ABCC8: variants seen among roughly 807,000 people sequenced by gnomAD.
The protein encoded by ABCC8 is ATP-binding cassette sub-family C member 8.
ABCC8 carries 137 observed loss-of-function variants against 188.0 expected under a neutral mutation model. The ratio of observed to expected loss-of-function variants is 0.73; its 90% CI spans 0.63 to 0.84. ABCC8 has a LOEUF of 0.84. Ranked by LOEUF, ABCC8 falls within the 40% of genes least tolerant of loss-of-function variation. The pLI, the probability that ABCC8 is intolerant of heterozygous loss-of-function variation, is 0.00. For missense variants in ABCC8, 1,750 were observed against 2,072.7 expected (o/e 0.84, Z 3.02); for synonymous variants, 797 against 846.5 (o/e 0.94, Z 1.01).
intron 12 of ABCC8, chr11:17,429,852 C>T (rs1289599521): frequency 6.6e-6 from 1 of 152,210 alleles, no homozygotes; most frequent in Non-Finnish European, 1.5e-5. Flanking sequence ...TCAGATACTC[C>T]TTAGAGCATA....
At chr11:17,406,844 C>A (rs1294938560) in intron 25 of ABCC8, 44 bp downstream of exon 25, 1 of 1,614,170 alleles carries the variant, frequency 6.2e-7, no homozygotes, top group South Asian at 1.1e-5. Context: ...TCAGCCCTTC[C>A]CCCATCCCCA....
At chr11:17,470,438 A>G (rs983881865) in intron 2 of ABCC8, among the ~76,000 whole-genome samples, 5 of 152,106 alleles carry the variant, frequency 3.3e-5, no homozygotes, top group African/African-American at 4.8e-5. Context: ...AGGCCTTACT[A>G]TGTGCTGAGC....
chr11:17,399,275 C>CAAAAAAAAAAAAAAA (rs57138230), intron 29 of ABCC8, among the ~76,000 whole-genome samples: 6 of 58,548 alleles, frequency 1.0e-4, no homozygotes, highest in Admixed American at 2.7e-4. Context: ...GACTCTGCCT[C>CAAAAAAAAAAAAAAA]AAAAAAAAAA....
chr11:17,432,924 C>A (rs558594624), intron 10 of ABCC8, among the ~76,000 whole-genome samples: 2 of 152,276 alleles, frequency 1.3e-5, no homozygotes, highest in Non-Finnish European at 2.9e-5. Flanking sequence ...GCTGTGTAAC[C>A]TAGGGCATGT....
chr11:17,442,594 C>G (rs1457413237), intron 10 of ABCC8, 126 bp downstream of exon 10: 17 of 951,152 alleles, frequency 1.8e-5, no homozygotes, highest in Non-Finnish European at 2.9e-5. Context: ...TGAGGCTCCC[C>G]TACTGAGTCG....
intron 26 of ABCC8, 198 bp downstream of exon 26, chr11:17,406,424 A>T: frequency 3.2e-6 from 2 of 615,636 alleles, no homozygotes; most frequent in Non-Finnish European, 5.7e-6. Context: ...CACAATGCCT[A>T]TCACAGTATC....
intron 29 of ABCC8, 99 bp downstream of exon 29, chr11:17,402,562 G>A: frequency 6.2e-7 from 1 of 1,609,336 alleles, no homozygotes; most frequent in Non-Finnish European, 8.5e-7. Context: ...ACGTGTCCTT[G>A]GCCTTCCCAA....
chr11:17,416,040 A>G (rs1955057712), intron 17 of ABCC8, among the ~76,000 whole-genome samples: 1 of 152,234 alleles, frequency 6.6e-6, no homozygotes, highest in Non-Finnish European at 1.5e-5. Context: ...CTCAAGAAAT[A>G]TGATCACTAC....
intron 1 of ABCC8, among the ~76,000 whole-genome samples, chr11:17,476,003 G>A (rs1270684745): frequency 1.3e-5 from 2 of 152,230 alleles, no homozygotes; most frequent in Admixed American, 1.3e-4. Context: ...ACTTTGCGCA[G>A]AGCCTGAGAA....
chr11:17,461,084 G>A (rs1177093419), intron 5 of ABCC8: 1 of 342,512 alleles, frequency 2.9e-6, no homozygotes, highest in South Asian at 2.6e-5. Flanking sequence ...TGCCTCTGCC[G>A]CCTGCCAGCT....
intron 12 of ABCC8, 140 bp from the exon 13 acceptor site, chr11:17,428,810 C>A: frequency 2.0e-6 from 3 of 1,473,680 alleles, no homozygotes; most frequent in South Asian, 1.3e-5. Context: ...AGGGGGCAGA[C>A]CAGTGGGCAT....
chr11:17,395,141 C>G lies in ABCC8; in HGVS notation c.4411+31G>C, dbSNP rs1477683866. 8 of 1,554,428 alleles carry G rather than the reference C, an allele frequency of 5.1e-6. No individual in the cohort carries two copies. The Admixed American group carries it at 1.4e-4, about 26-fold the overall frequency. On this transcript the variant is annotated intron_variant, in intron 36 of 38. Transcript: ENST00000389817. ...CCTTACAGGGTCCTTGAGTGCCCAA[C>G]CAACCCAGCTGCATAGCCAGGAGTA...
At chr11:17,416,427 CT>C (rs1170810557) in intron 17 of ABCC8, among the ~76,000 whole-genome samples, 1 of 152,240 alleles carries the variant, frequency 6.6e-6, no homozygotes, top group South Asian at 2.1e-4. Context: ...ATGATCACCC[CT>C]AGAGCCTTTT....
chr11:17,394,692 C>A (rs1473168116), intron 36 of ABCC8, among the ~76,000 whole-genome samples: 2 of 152,114 alleles, frequency 1.3e-5, no homozygotes, highest in Admixed American at 6.5e-5. Flanking sequence ...GTATGTAGGG[C>A]CTTGGTAGGG....
At chr11:17,473,620 C>G (rs1322789610) in intron 2 of ABCC8, among the ~76,000 whole-genome samples, 1 of 152,162 alleles carries the variant, frequency 6.6e-6, no homozygotes, top group African/African-American at 2.4e-5. Flanking sequence ...GTCTCTCATC[C>G]TTGCTGGTTA....
intron 29 of ABCC8, among the ~76,000 whole-genome samples, chr11:17,400,243 G>A (rs2074312): frequency 0.24 from 36,190 of 152,078 alleles, 5,241 homozygotes; most frequent in East Asian, 0.55. Flanking sequence ...GGGTGGAGAC[G>A]TGTGGGAGGG....
chr11:17,412,059 A>AT (rs1461277575), intron 21 of ABCC8, among the ~76,000 whole-genome samples: 1 of 151,498 alleles, frequency 6.6e-6, no homozygotes, highest in African/African-American at 2.4e-5. Context: ...CACCCAGCTA[A>AT]TTTTTTGTAT....
At chr11:17,446,188 A>T (rs1329865165) in intron 8 of ABCC8, among the ~76,000 whole-genome samples, 2 of 151,822 alleles carry the variant, frequency 1.3e-5, no homozygotes, top group Non-Finnish European at 2.9e-5. Flanking sequence ...CTGGTCTCGA[A>T]CTCCTGACCT....
intron 8 of ABCC8, among the ~76,000 whole-genome samples, chr11:17,445,481 T>A (rs1483989062): frequency 1.3e-5 from 2 of 152,224 alleles, no homozygotes; most frequent in Non-Finnish European, 2.9e-5. Flanking sequence ...TCAATAAAGC[T>A]GTGTGCATGT....
Sources: gnomAD v4.1 joint callset for allele counts (sites outside exome capture counted in the v4.1 genomes callset) on GRCh38, gnomAD v4.1.1 for gene constraint, MANE v1.5 for transcripts, NCBI Gene and HGNC (gene_info 2026-07-23, HGNC 2026-07-21) for gene names.